The following C1orf185 variants were observed in gnomAD, a reference collection of about 807,000 sequenced individuals.
C1orf185 encodes chromosome 1 open reading frame 185, also known as uncharacterized protein C1orf185.
C1orf185 carries 13 observed loss-of-function variants against 16.1 expected under a neutral mutation model. The ratio of observed to expected loss-of-function variants is 0.81; its 90% CI spans 0.53 to 1.28. The LOEUF is 1.28. Among genes scored for constraint, C1orf185 ranks in the 50% most tolerant of loss-of-function variants. C1orf185 has a pLI of 0.00. For missense variants in C1orf185, 220 were observed against 225.2 expected (o/e 0.98, Z 0.15); for synonymous variants, 80 against 76.9 (o/e 1.04, Z -0.21).
chr1:51,124,390 C>T (rs892787858), intron 3 of C1orf185, among the ~76,000 whole-genome samples: 1 of 152,176 alleles, frequency 6.6e-6, no homozygotes, highest in Non-Finnish European at 1.5e-5. Context: ...CCTCTTTGCA[C>T]TATTTTTAAG....
At chr1:51,142,251 T>C (rs1402623557) in intron 3 of C1orf185, among the ~76,000 whole-genome samples, 1 of 152,256 alleles carries the variant, frequency 6.6e-6, no homozygotes, top group Non-Finnish European at 1.5e-5. Flanking sequence ...CATTTGCATT[T>C]AGTTGTCATG....
chr1:51,114,910 T>C (rs1408797292), intron 2 of C1orf185, among the ~76,000 whole-genome samples: 2 of 152,170 alleles, frequency 1.3e-5, no homozygotes, highest in Non-Finnish European at 2.9e-5. Context: ...CCCTAGGAAG[T>C]TCCCTCATGC....
chr1:51,107,264 C>G (rs946848076), intron 1 of C1orf185: 2 of 152,162 alleles, frequency 1.3e-5, no homozygotes, highest in African/African-American at 4.8e-5. Flanking sequence ...TGTGCACAGT[C>G]AGTTGCAGAT....
At chr1:51,111,501 T>G (rs1440534800) in intron 1 of C1orf185, among the ~76,000 whole-genome samples, 5 of 151,594 alleles carry the variant, frequency 3.3e-5, no homozygotes, top group Non-Finnish European at 7.4e-5. Flanking sequence ...GCCTCCTGAG[T>G]AGCTGGGACT....
intron 3 of C1orf185, among the ~76,000 whole-genome samples, chr1:51,143,179 G>A (rs780077504): frequency 3.9e-5 from 6 of 152,106 alleles, no homozygotes; most frequent in Non-Finnish European, 8.8e-5. Flanking sequence ...ATTAATAAAC[G>A]ACCTGTGTGA....
intron 3 of C1orf185, among the ~76,000 whole-genome samples, chr1:51,124,854 C>G (rs1646228129): frequency 6.6e-6 from 1 of 152,332 alleles, no homozygotes; most frequent in Admixed American, 6.5e-5. Flanking sequence ...TCTGTCTGGA[C>G]AAGATCCTGT....
intron 3 of C1orf185, among the ~76,000 whole-genome samples, chr1:51,120,578 C>G (rs554373084): frequency 6.6e-6 from 1 of 152,256 alleles, no homozygotes; most frequent in South Asian, 2.1e-4. Context: ...AGGTTATTTC[C>G]TCTGACTTTC....
intron 2 of C1orf185, 97 bp downstream of exon 2, chr1:51,112,666 T>C (rs907666587): frequency 2.3e-5 from 26 of 1,127,336 alleles, no homozygotes; most frequent in Non-Finnish European, 3.1e-5. Flanking sequence ...ACTATGATAG[T>C]ATTGATTGTT....
At chr1:51,108,642 CT>C (rs1379246239) in intron 1 of C1orf185, among the ~76,000 whole-genome samples, 2 of 152,056 alleles carry the variant, frequency 1.3e-5, no homozygotes, top group Non-Finnish European at 2.9e-5. Flanking sequence ...ATGAGATCCC[CT>C]TTTTAAGCTC....
chr1:51,114,458 C>T (rs1264919043), intron 2 of C1orf185, among the ~76,000 whole-genome samples: 1 of 152,210 alleles, frequency 6.6e-6, no homozygotes, highest in African/African-American at 2.4e-5. Flanking sequence ...TGCGGTGACT[C>T]ACGTCTGTAA....
intron 1 of C1orf185, chr1:51,107,276 G>A (rs1028415287): frequency 1.3e-5 from 2 of 152,054 alleles, no homozygotes; most frequent in African/African-American, 4.8e-5. Context: ...GTTGCAGATC[G>A]AACTCCTTAT....
At chr1:51,121,908 C>T (rs965781317) in intron 3 of C1orf185, among the ~76,000 whole-genome samples, 11 of 152,114 alleles carry the variant, frequency 7.2e-5, no homozygotes, top group Non-Finnish European at 1.3e-4. Flanking sequence ...CCTCCAACTC[C>T]CACCCTCCAC....
At chr1:51,145,339 T>C (rs913475903) in intron 3 of C1orf185, among the ~76,000 whole-genome samples, 2 of 145,466 alleles carry the variant, frequency 1.4e-5, no homozygotes, top group Non-Finnish European at 3.1e-5. Context: ...AATAATCCCA[T>C]TTTTATAAAG....
chr1:51,128,149 G>A (rs1273626659), intron 3 of C1orf185, among the ~76,000 whole-genome samples: 4 of 151,638 alleles, frequency 2.6e-5, no homozygotes, highest in South Asian at 2.1e-4. Flanking sequence ...TTGGCCTCCC[G>A]AAGCACTGGG....
At chr1:51,111,831 G>GT (rs1252827832) in intron 1 of C1orf185, among the ~76,000 whole-genome samples, 1 of 152,122 alleles carries the variant, frequency 6.6e-6, no homozygotes, top group African/African-American at 2.4e-5. Context: ...CTGGTTAATT[G>GT]TTTTTTAACT....
intron 3 of C1orf185, among the ~76,000 whole-genome samples, chr1:51,121,695 A>G (rs2148017385): frequency 6.6e-6 from 1 of 152,296 alleles, no homozygotes; most frequent in African/African-American, 2.4e-5. Flanking sequence ...TGATAATAAA[A>G]ATAGGTTTAA....
chr1:51,137,745 T>C (rs1052625522), intron 3 of C1orf185, among the ~76,000 whole-genome samples: 2 of 152,156 alleles, frequency 1.3e-5, no homozygotes, highest in African/African-American at 2.4e-5. Flanking sequence ...TAAAGACACA[T>C]GCATGTGTAT....
intron 1 of C1orf185, among the ~76,000 whole-genome samples, chr1:51,108,084 T>G (rs1646087162): frequency 6.6e-6 from 1 of 152,174 alleles, no homozygotes; most frequent in Non-Finnish European, 1.5e-5. Flanking sequence ...TTTAAAGTAT[T>G]TTACCAAATT....
intron 3 of C1orf185, among the ~76,000 whole-genome samples, chr1:51,144,572 G>C (rs572847315): frequency 6.6e-6 from 1 of 152,168 alleles, no homozygotes; most frequent in East Asian, 1.9e-4. Context: ...AATTAACCAG[G>C]CATGGTGGCA....
Sources: gnomAD v4.1 joint callset for allele counts (sites outside exome capture counted in the v4.1 genomes callset) on GRCh38, gnomAD v4.1.1 for gene constraint, MANE v1.5 for transcripts, NCBI Gene and HGNC (gene_info 2026-07-23, HGNC 2026-07-21) for gene names.